The following SYNRG variants were observed in gnomAD, a reference collection of about 807,000 sequenced individuals.
SYNRG encodes synergin gamma.
SYNRG carries 37 observed loss-of-function variants against 130.9 expected under a neutral mutation model. That is an observed-to-expected ratio of 0.28 (90% CI 0.22 to 0.37). The LOEUF (loss-of-function observed/expected upper bound fraction) is 0.37. SYNRG is among the 10% of genes least tolerant of loss of function. SYNRG has a pLI of 1.00. For synonymous variants in SYNRG, 539 were observed against 568.1 expected (o/e 0.95, Z 0.73); for missense variants, 1,338 against 1,588.9 (o/e 0.84, Z 2.68).
At chr17:37,564,899 T>C (rs1385360857) in intron 11 of SYNRG, among the ~76,000 whole-genome samples, 2 of 152,252 alleles carry the variant, frequency 1.3e-5, no homozygotes, top group African/African-American at 2.4e-5. Context: ...GTCTGGCATA[T>C]AGCAAATGCT....
intron 13 of SYNRG, among the ~76,000 whole-genome samples, chr17:37,558,272 C>T (rs1278092072): frequency 5.3e-5 from 8 of 152,132 alleles, no homozygotes; most frequent in Admixed American, 3.9e-4. Flanking sequence ...CAGTTTCTAC[C>T]ATACCTACCT....
rs936381008 is a variant in SYNRG, at chr17:37,538,820, C to T, written c.3420+372G>A. Among the ~76,000 whole-genome samples, 5 of 152,212 alleles carry T rather than the reference C, an allele frequency of 3.3e-5. No homozygotes were observed. The South Asian group carries it at 1.0e-3, about 32-fold the overall frequency. On this transcript the variant is annotated intron_variant, in intron 17 of 21. Transcript: ENST00000612223. ...ATGTTGGTCAGGCTGGTCTCAAACT[C>T]CTGACCTCGTGATCCGCCCGCCTTG...
rs2062902584 is a variant in SYNRG at position 37,597,721 on chromosome 17, CT to C, written c.119-1378del. ...AGCAGAGGTGAATGAATATACATCC[CT>C]TTGGGATTTTAATAAATACTAAATG... On this transcript the variant is annotated intron_variant, in intron 2 of 21. Transcript: ENST00000612223. Among the ~76,000 whole-genome samples the C allele has an allele frequency of 4.6e-5, 7 of 152,172 alleles. No individual in the cohort carries two copies. In the South Asian group the frequency reaches 1.4e-3, roughly 32 times the overall value.
chr17:37,522,082 C>T (rs1207503042), intron 19 of SYNRG, among the ~76,000 whole-genome samples: 2 of 151,070 alleles, frequency 1.3e-5, no homozygotes, highest in African/African-American at 4.9e-5. Context: ...AGCTAATACG[C>T]CCTTACTTTC....
At chr17:37,599,678 G>A (rs1444866898) in intron 2 of SYNRG, among the ~76,000 whole-genome samples, 2 of 152,096 alleles carry the variant, frequency 1.3e-5, no homozygotes, top group East Asian at 3.9e-4. Context: ...CTATGACTGT[G>A]CCACTTATAC....
chr17:37,577,190 C>A (rs1305955046), intron 7 of SYNRG, among the ~76,000 whole-genome samples, 190 bp downstream of exon 7: 1 of 151,944 alleles, frequency 6.6e-6, no homozygotes. Context: ...AAAGGAGTAA[C>A]AGTGTGTTGA....
intron 1 of SYNRG, among the ~76,000 whole-genome samples, chr17:37,604,432 G>A (rs1305192099): frequency 6.6e-6 from 1 of 152,160 alleles, no homozygotes; most frequent in Admixed American, 6.5e-5. Context: ...TTCTTCTGCA[G>A]CTTCCTCACC....
chr17:37,584,285 G>C (rs1275885409), intron 6 of SYNRG: 1 of 171,096 alleles, frequency 5.8e-6, no homozygotes, highest in Non-Finnish European at 1.2e-5. Context: ...AATGAAATCA[G>C]AGCTAGTTCA....
At chr17:37,555,489 T>G (rs1243610261) in intron 13 of SYNRG, among the ~76,000 whole-genome samples, 1 of 152,192 alleles carries the variant, frequency 6.6e-6, no homozygotes, top group African/African-American at 2.4e-5. Context: ...TTATCATCAC[T>G]CAGGTACAGC....
intron 10 of SYNRG, among the ~76,000 whole-genome samples, chr17:37,569,353 T>C (rs2060236291): frequency 7.0e-6 from 1 of 142,918 alleles, no homozygotes; most frequent in Non-Finnish European, 1.5e-5. Context: ...GAAGTTGCAG[T>C]GAGCCGAGAT....
At chr17:37,532,626 T>G (rs975116177) in intron 19 of SYNRG, among the ~76,000 whole-genome samples, 1 of 143,280 alleles carries the variant, frequency 7.0e-6, no homozygotes, top group African/African-American at 2.6e-5. Flanking sequence ...TGAGCCGAGA[T>G]TGCACCATTG....
rs1174474032 is a variant in SYNRG at position 37,538,526 on chromosome 17, A to G, written c.3421-106T>C. 7 of 678,938 alleles carry G rather than the reference A, an allele frequency of 1.0e-5. No homozygotes were observed. In the Admixed American group the frequency reaches 1.7e-4, roughly 16 times the overall value. The allele number at this position is 678,938 out of a possible 1,614,324, so 42.1% of individuals were successfully genotyped here. A position where few individuals can be genotyped will look rare whatever the true frequency, so the allele number is the denominator to read the frequency against. On this transcript the variant is annotated intron_variant, in intron 17 of 21. Transcript: ENST00000612223. ...CCGAAAAGCCAGGAGGTGTCAAAAA[A>G]TCTCATTTTATCCTTGAAGAAACAA... is the stretch of plus-strand genomic sequence containing the variant.
intron 15 of SYNRG, chr17:37,540,795 T>A: frequency 1.3e-6 from 1 of 746,036 alleles, no homozygotes; most frequent in Non-Finnish European, 1.8e-6. Flanking sequence ...CCATCATGCC[T>A]GGCTAATTTT....
chr17:37,546,453 G>A (rs2058283846), intron 14 of SYNRG, among the ~76,000 whole-genome samples: 2 of 152,050 alleles, frequency 1.3e-5, no homozygotes, highest in African/African-American at 4.8e-5. Flanking sequence ...CTATTACAAA[G>A]GCCAAAGAAA....
chr17:37,596,794 C>A (rs189860715), intron 2 of SYNRG, among the ~76,000 whole-genome samples: 7 of 152,094 alleles, frequency 4.6e-5, no homozygotes, highest in African/African-American at 1.7e-4. Flanking sequence ...GACAGAGTCT[C>A]ACTCTGTCAC....
intron 17 of SYNRG, 63 bp downstream of exon 17, chr17:37,539,129 A>G (rs2057488838): frequency 6.2e-7 from 1 of 1,602,516 alleles, no homozygotes; most frequent in African/African-American, 1.3e-5. Flanking sequence ...CAAATGAACC[A>G]AGAAGGCAAA....
chr17:37,569,482 G>A (rs954470982), intron 10 of SYNRG, among the ~76,000 whole-genome samples: 5 of 149,220 alleles, frequency 3.4e-5, no homozygotes, highest in African/African-American at 4.9e-5. Context: ...GTTACTGAGC[G>A]CCTACCATCT....
intron 19 of SYNRG, chr17:37,529,659 G>A: frequency 1.2e-6 from 1 of 822,852 alleles, no homozygotes; most frequent in Non-Finnish European, 1.9e-6. Context: ...AAACTGGCTT[G>A]CACTTCACCT....
intron 6 of SYNRG, chr17:37,579,176 G>C (rs1246100593): frequency 8.2e-7 from 1 of 1,214,800 alleles, no homozygotes; most frequent in East Asian, 5.9e-5. Context: ...AGAGAAGTAA[G>C]GAATTTGCCC....
Sources: allele counts gnomAD v4.1 joint callset (sites outside exome capture counted in the v4.1 genomes callset), GRCh38; gene constraint gnomAD v4.1.1; transcripts MANE v1.5; gene names NCBI Gene and HGNC (gene_info 2026-07-23, HGNC 2026-07-21).